RBFOX1: variants seen among roughly 807,000 people sequenced by gnomAD.
The protein encoded by RBFOX1 is RNA binding fox-1 homolog 1.
In RBFOX1, 8 loss-of-function variants were observed where a neutral mutation model predicts 57.7. The ratio of observed to expected loss-of-function variants is 0.14; its 90% CI spans 0.08 to 0.25. RBFOX1 has a LOEUF of 0.25. Among genes scored for constraint, RBFOX1 ranks in the 10% least tolerant of loss-of-function variants. The pLI is 1.00. For synonymous variants in RBFOX1, 326 were observed against 222.4 expected (o/e 1.47, Z -4.15); for missense variants, 611 against 548.5 (o/e 1.11, Z -1.14).
At chr16:6,478,467 G>A (rs1340610151) in intron 2 of RBFOX1, among the ~76,000 whole-genome samples, 1 of 127,646 alleles carries the variant, frequency 7.8e-6, no homozygotes, top group Non-Finnish European at 1.6e-5. Context: ...GTAGAGACAG[G>A]GTTTCACCAT....
At chr16:5,364,937 G>T (rs2065669097) in intron 1 of RBFOX1, among the ~76,000 whole-genome samples, 1 of 152,158 alleles carries the variant, frequency 6.6e-6, no homozygotes. Flanking sequence ...CGCCTAAGAA[G>T]CTTAAAGGAT....
intron 2 of RBFOX1, among the ~76,000 whole-genome samples, chr16:6,623,161 C>G (rs1040648612): frequency 6.6e-6 from 1 of 152,080 alleles, no homozygotes; most frequent in Admixed American, 6.5e-5. Flanking sequence ...ATTCCAGAAG[C>G]TTACATTGTA....
chr16:6,815,675 C>G (rs2089912591), intron 3 of RBFOX1, among the ~76,000 whole-genome samples: 2 of 152,258 alleles, frequency 1.3e-5, no homozygotes, highest in South Asian at 4.1e-4. Flanking sequence ...GGCCAGGATT[C>G]AAACCTAGAC....
At chr16:6,006,429 G>A (rs1343362130) in intron 4 of RBFOX1, among the ~76,000 whole-genome samples, 2 of 152,006 alleles carry the variant, frequency 1.3e-5, no homozygotes, top group Non-Finnish European at 2.9e-5. Flanking sequence ...GTAGTCAGTA[G>A]AATATTACAT....
chr16:6,341,149 G>C (rs2084509157), intron 2 of RBFOX1, among the ~76,000 whole-genome samples: 1 of 152,138 alleles, frequency 6.6e-6, no homozygotes, highest in Non-Finnish European at 1.5e-5. Flanking sequence ...TCTAACATGG[G>C]TCTTACTGAG....
intron 3 of RBFOX1, among the ~76,000 whole-genome samples, chr16:6,859,130 C>CGTATATATATTT (rs1238966168): frequency 1.2e-5 from 1 of 82,482 alleles, no homozygotes; most frequent in Non-Finnish European, 2.1e-5. Context: ...TATATATATA[C>CGTATATATATTT]ATATATATAC....
At chr16:6,747,472 CTGTT>C (rs879365652) in intron 3 of RBFOX1, among the ~76,000 whole-genome samples, 1,581 of 146,712 alleles carry the variant, frequency 0.011, 22 homozygotes, top group Non-Finnish European at 0.015. Context: ...GTCTGTCTGT[CTGTT>C]TATCTATCTG....
At chr16:5,861,674 G>A (rs577111529) in intron 3 of RBFOX1, among the ~76,000 whole-genome samples, 3 of 152,274 alleles carry the variant, frequency 2.0e-5, no homozygotes, top group Non-Finnish European at 2.9e-5. Flanking sequence ...CCCCATGACG[G>A]TGCCAGCATT....
At chr16:6,034,413 G>C (rs1325259995) in intron 1 of RBFOX1, among the ~76,000 whole-genome samples, 1 of 150,822 alleles carries the variant, frequency 6.6e-6, no homozygotes, top group Non-Finnish European at 1.5e-5. Context: ...TAGTTTTGGA[G>C]GCTGGGAAGT....
At chr16:6,629,717 A>G (rs901247568) in intron 2 of RBFOX1, among the ~76,000 whole-genome samples, 2 of 152,204 alleles carry the variant, frequency 1.3e-5, no homozygotes, top group Non-Finnish European at 2.9e-5. Context: ...ATATAGGTGG[A>G]TCACAAAATA....
intron 5 of RBFOX1, chr16:7,519,577 G>A: frequency 3.1e-6 from 1 of 322,410 alleles, no homozygotes; most frequent in Non-Finnish European, 4.5e-6. Flanking sequence ...ATTAAATAAT[G>A]TTCATTTGTG....
At chr16:6,677,206 G>T (rs1000942038) in intron 3 of RBFOX1, among the ~76,000 whole-genome samples, 13 of 152,076 alleles carry the variant, frequency 8.5e-5, no homozygotes, top group Admixed American at 3.3e-4. Flanking sequence ...TAAGTGGCAG[G>T]ACTACAACTA....
chr16:7,275,304 G>A (rs147239406), intron 4 of RBFOX1, among the ~76,000 whole-genome samples: 7 of 152,244 alleles, frequency 4.6e-5, no homozygotes, highest in East Asian at 3.9e-4. Context: ...ATTTCTAATC[G>A]TTATATAATA....
intron 4 of RBFOX1, among the ~76,000 whole-genome samples, chr16:7,376,570 A>C (rs1007738906): frequency 2.0e-5 from 3 of 152,206 alleles, no homozygotes; most frequent in African/African-American, 7.2e-5. Flanking sequence ...TTTCTGGGTT[A>C]GACCTCCAGC....
intron 4 of RBFOX1, among the ~76,000 whole-genome samples, chr16:7,429,957 C>T (rs1256770605): frequency 6.6e-6 from 1 of 152,138 alleles, no homozygotes; most frequent in Non-Finnish European, 1.5e-5. Flanking sequence ...GTTGCATTGA[C>T]CTACTTACTT....
intron 1 of RBFOX1, among the ~76,000 whole-genome samples, chr16:6,150,669 G>A (rs1277185611): frequency 2.0e-5 from 3 of 151,988 alleles, no homozygotes; most frequent in Non-Finnish European, 4.4e-5. Flanking sequence ...TCTCATTGCT[G>A]GTCCTAATGA....
intron 4 of RBFOX1, among the ~76,000 whole-genome samples, chr16:7,094,744 C>CTG (rs370249382): frequency 0.06 from 8,327 of 139,302 alleles, 590 homozygotes; most frequent in African/African-American, 0.17. Flanking sequence ...GACTGTACAG[C>CTG]TGTGTGTGTG....
chr16:5,695,302 C>T (rs536268858), intron 3 of RBFOX1, among the ~76,000 whole-genome samples: 1 of 152,066 alleles, frequency 6.6e-6, no homozygotes, highest in Non-Finnish European at 1.5e-5. Context: ...ACTCAATAAT[C>T]ATTACATTTC....
intron 1 of RBFOX1, among the ~76,000 whole-genome samples, chr16:6,181,269 C>A (rs1449224249): frequency 6.6e-6 from 1 of 152,182 alleles, no homozygotes; most frequent in Middle Eastern, 3.2e-3. Flanking sequence ...ACTGAGCTGC[C>A]AGTACTCATA....
Sources: gnomAD v4.1 joint callset for allele counts (sites outside exome capture counted in the v4.1 genomes callset) on GRCh38, gnomAD v4.1.1 for gene constraint, MANE v1.5 for transcripts, NCBI Gene and HGNC (gene_info 2026-07-23, HGNC 2026-07-21) for gene names.